PIK3R5: variants seen among roughly 807,000 people sequenced by gnomAD.
PIK3R5 encodes the protein phosphoinositide 3-kinase regulatory subunit 5.
Under a neutral mutation model 94.9 loss-of-function variants are expected in PIK3R5, and 32 were observed. The ratio of observed to expected loss-of-function variants is 0.34; its 90% CI spans 0.25 to 0.45. The LOEUF is 0.45. Ranked by LOEUF, PIK3R5 falls within the 20% of genes least tolerant of loss-of-function variation. The pLI is 1.00. For synonymous variants in PIK3R5, 443 were observed against 479.4 expected, an observed-to-expected ratio of 0.92 and a Z score of 0.99; for missense variants, 853 against 1,144.6, an observed-to-expected ratio of 0.75 and a Z score of 3.68.
chr17:8,945,593 A>C lies in PIK3R5; in HGVS notation c.-14+20003T>G, dbSNP rs1217806862. Among the ~76,000 whole-genome samples the C allele has an allele frequency of 6.6e-6, 1 of 152,162 alleles. No individual in the cohort carries two copies. Among genetic ancestry groups the C allele is most frequent in the African/African-American group, 2.4e-5 (1 of 41,458 alleles). ...AAAGCAGACATCTCAAATCCACCGT[A>C]GTCCAGAAACAACACAAAATGAGAA... On this transcript the variant is annotated intron_variant, in intron 1 of 18. Coordinates refer to ENST00000447110, the MANE Select transcript of PIK3R5 (RefSeq NM_001142633.3). The surrounding 1 kb of genome is among the most constrained non-coding windows in gnomAD (Gnocchi z 4.0).
At position 8,887,235 on chromosome 17, in the gene PIK3R5, C is replaced by T. The variant is rs2089885400; in HGVS notation, c.1780-14G>A. 1 of 1,613,352 alleles carries T rather than the reference C, an allele frequency of 6.2e-7. No homozygotes were observed. Among genetic ancestry groups the T allele is most frequent in the African/African-American group, 1.3e-5 (1 of 74,906 alleles). ...GGTGCCCAGCTCCTAGGGCAAAGAACAAGAGTCATCATCCCAGCTCCCCAG... is the reference window on the plus strand; with the variant it reads ...GGTGCCCAGCTCCTAGGGCAAAGAATAAGAGTCATCATCCCAGCTCCCCAG... On this transcript the variant is annotated splice_polypyrimidine_tract_variant and intron_variant, in intron 11 of 18. Coordinates refer to ENST00000447110, the MANE Select transcript of PIK3R5 (RefSeq NM_001142633.3).
At chr17:8,886,705 G>A in intron 12 of PIK3R5, 100 bp from the exon 13 acceptor site, 2 of 1,348,690 alleles carry the variant, frequency 1.5e-6, no homozygotes, top group Non-Finnish European at 1.0e-6. Context: ...AGACATAGAG[G>A]CAGCCAGTCA....
intron 1 of PIK3R5, among the ~76,000 whole-genome samples, chr17:8,939,168 G>T (rs1013877676): frequency 2.1e-4 from 32 of 152,174 alleles, no homozygotes; most frequent in Admixed American, 5.9e-4. Flanking sequence ...GAGAGATAAA[G>T]TCACTTTCTC....
intron 1 of PIK3R5, among the ~76,000 whole-genome samples, chr17:8,956,943 C>T (rs2091475419): frequency 6.6e-6 from 1 of 152,234 alleles, no homozygotes; most frequent in South Asian, 2.1e-4. Flanking sequence ...GGGCGAGGAT[C>T]CCAGTATCCA....
intron 1 of PIK3R5, among the ~76,000 whole-genome samples, chr17:8,938,074 G>C (rs1489848069): frequency 2.0e-5 from 3 of 152,174 alleles, no homozygotes; most frequent in Admixed American, 6.5e-5. Flanking sequence ...GTCTCCTAAA[G>C]TGCTGGGCTT....
At chr17:8,886,454 G>A (rs546149207) in intron 13 of PIK3R5, 23 bp downstream of exon 13, 49 of 1,596,536 alleles carry the variant, frequency 3.1e-5, no homozygotes, top group Non-Finnish European at 3.8e-5. Context: ...GGGAAGAGGC[G>A]GTTCGGGGCA....
chr17:8,944,895 G>C (rs2091247569), intron 1 of PIK3R5, among the ~76,000 whole-genome samples: 1 of 152,168 alleles, frequency 6.6e-6, no homozygotes, highest in African/African-American at 2.4e-5. Flanking sequence ...GGGGAAAAAT[G>C]GCCTACACTT....
At chr17:8,957,819 A>G (rs936021172) in intron 1 of PIK3R5, among the ~76,000 whole-genome samples, 5 of 152,156 alleles carry the variant, frequency 3.3e-5, no homozygotes, top group African/African-American at 1.2e-4. Flanking sequence ...GGAAGCCAAG[A>G]ATCCCACAGT....
At position 8,890,798 on chromosome 17, in the gene PIK3R5, G is replaced by A. The variant is rs150735911; in HGVS notation, c.597C>T (p.His199=). 1,772 of 1,613,080 alleles carry A rather than the reference G, an allele frequency of 1.1e-3. 1 individual carries two copies. Among genetic ancestry groups the A allele is most frequent in the Non-Finnish European group, 1.4e-3 (1,673 of 1,179,662 alleles). The change falls in exon 7 of 19, where the codon CAC becomes CAT. Residue 199 remains histidine (H), a synonymous_variant. Coordinates refer to ENST00000447110, the MANE Select transcript of PIK3R5 (RefSeq NM_001142633.3). This position sits in a 1 kb window ranked among gnomAD's most constrained non-coding sequence, Gnocchi z 6.1. ...GGGCCCCAAAGGTGGCCTGGAAGGC[G>A]TGCAGGAGCAGGGTGGTGTAGGCAC... ...PHSAYTTLLL[H]AFQATFGAHC... is the part of the protein sequence containing the mutation.
chr17:8,927,395 G>C (rs139249821), intron 1 of PIK3R5, among the ~76,000 whole-genome samples: 4 of 152,316 alleles, frequency 2.6e-5, no homozygotes, highest in African/African-American at 9.6e-5. Context: ...CATGGCCACT[G>C]TCTGAAGAAG....
chr17:8,911,328 G>T lies in PIK3R5; in HGVS notation c.103+64C>A. ...TGCCAGTTTCCATGCCTGGTCCAGT[G>T]CCCACCGTGGCCCCTGAGGCTTCCT... On this transcript the variant is annotated intron_variant, in intron 2 of 18. Transcript: ENST00000447110. This position sits in a 1 kb window ranked among gnomAD's most constrained non-coding sequence, Gnocchi z 5.3. The T allele has an allele frequency of 7.9e-7, 1 of 1,262,900 alleles. No homozygotes were observed. Among genetic ancestry groups the T allele is most frequent in the Non-Finnish European group, 1.1e-6 (1 of 877,950 alleles). 78.2% of individuals were successfully genotyped at this position (1,262,900 alleles called of 1,614,324 possible).
At chr17:8,947,436 A>C (rs1235690972) in intron 1 of PIK3R5, among the ~76,000 whole-genome samples, 1 of 152,218 alleles carries the variant, frequency 6.6e-6, no homozygotes, top group African/African-American at 2.4e-5. Context: ...AATGCTAGAC[A>C]TAGTCAGACG....
chr17:8,880,892 C>G lies in PIK3R5; in HGVS notation c.2495+13G>C. On this transcript the variant is annotated intron_variant, in intron 18 of 18. Coordinates refer to ENST00000447110, the MANE Select transcript of PIK3R5 (RefSeq NM_001142633.3). ...CAGAAACTGCTCCCCTCCCTAGGAC[C>G]CCCCTTTCCTACCTGACTACACTCT... 2 of 1,612,838 alleles carry G rather than the reference C, an allele frequency of 1.2e-6. No individual in the cohort carries two copies. Among genetic ancestry groups the G allele is most frequent in the South Asian group, 2.2e-5 (2 of 91,056 alleles).
Position 8,880,494 on chromosome 17 carries a change from T to C in PIK3R5, c.*145A>G, listed in dbSNP as rs2151340319. The C allele has an allele frequency of 1.3e-6, 1 of 785,494 alleles. No homozygotes were observed. The highest frequency in any genetic ancestry group is 2.6e-5 in the South Asian group (1 of 39,014). 48.7% of individuals were successfully genotyped at this position (785,494 alleles called of 1,614,324 possible). A position where few individuals can be genotyped will look rare whatever the true frequency, so the allele number is the denominator to read the frequency against. On this transcript the variant is annotated 3_prime_UTR_variant, in exon 19 of 19. Coordinates refer to ENST00000447110, the MANE Select transcript of PIK3R5 (RefSeq NM_001142633.3). ...CCCTGAGGCCCCAGAAACCCTCTAC[T>C]CCCAGCCCCTGCTCATTGCAGGACC...
intron 1 of PIK3R5, among the ~76,000 whole-genome samples, chr17:8,938,830 T>C (rs2091123438): frequency 6.6e-6 from 1 of 152,266 alleles, no homozygotes; most frequent in Non-Finnish European, 1.5e-5. Flanking sequence ...CTTGAATTTA[T>C]GGACCAAGAT....
intron 1 of PIK3R5, among the ~76,000 whole-genome samples, chr17:8,917,405 C>T (rs1029069007): frequency 3.9e-5 from 6 of 152,188 alleles, no homozygotes; most frequent in African/African-American, 9.7e-5. Flanking sequence ...TAATCAATTA[C>T]TAACATAACC....
At chr17:8,897,317 G>T (rs1250298066) in intron 5 of PIK3R5, among the ~76,000 whole-genome samples, 3 of 152,222 alleles carry the variant, frequency 2.0e-5, no homozygotes, top group East Asian at 3.9e-4. Context: ...GGAAAATACT[G>T]GGGGGAAGGA....
chr17:8,953,635 G>T (rs968187740), intron 1 of PIK3R5, among the ~76,000 whole-genome samples: 1 of 152,218 alleles, frequency 6.6e-6, no homozygotes, highest in Non-Finnish European at 1.5e-5. Context: ...GTCTTCAGAA[G>T]TCAGGTGGTA....
intron 1 of PIK3R5, among the ~76,000 whole-genome samples, chr17:8,934,954 T>C (rs1310280523): frequency 2.0e-5 from 3 of 152,164 alleles, no homozygotes; most frequent in Non-Finnish European, 4.4e-5. Context: ...AACCTCTACC[T>C]TTCCTCTCCA....
Sources: allele counts gnomAD v4.1 joint callset (sites outside exome capture counted in the v4.1 genomes callset), GRCh38; gene constraint gnomAD v4.1.1; non-coding constraint Gnocchi (gnomAD v3.1); transcripts MANE v1.5; gene names NCBI Gene and HGNC (gene_info 2026-07-23, HGNC 2026-07-21).